Variants in BMPR1A observed in about 807,000 individuals in gnomAD.
BMPR1A encodes the protein bone morphogenetic protein receptor type-1A.
BMPR1A carries 7 observed loss-of-function variants against 66.0 expected under a neutral mutation model. The ratio of observed to expected loss-of-function variants is 0.11; its 90% CI spans 0.06 to 0.20. The LOEUF (loss-of-function observed/expected upper bound fraction) is 0.20, where lower values mean the gene tolerates loss of function less well. Ranked by LOEUF, BMPR1A falls within the 10% of genes least tolerant of loss-of-function variation. BMPR1A has a pLI of 1.00. For synonymous variants in BMPR1A, 200 were observed against 229.7 expected (o/e 0.87, Z 1.17); for missense variants, 408 against 669.1 (o/e 0.61, Z 4.31).
intron 1 of BMPR1A, among the ~76,000 whole-genome samples, chr10:86,766,037 G>A (rs753552328): frequency 2.8e-5 from 4 of 140,682 alleles, no homozygotes; most frequent in Non-Finnish European, 4.5e-5. Context: ...CCAGGCTGCA[G>A]TGGTGCTGTG....
intron 3 of BMPR1A, among the ~76,000 whole-genome samples, chr10:86,884,352 C>CTAGGA (rs1220619385): frequency 7.0e-6 from 1 of 142,382 alleles, no homozygotes. Flanking sequence ...TCCGTAAGTG[C>CTAGGA]TAGGATTACA....
At chr10:86,868,297 T>C (rs1589753709) in intron 2 of BMPR1A, among the ~76,000 whole-genome samples, 1 of 152,238 alleles carries the variant, frequency 6.6e-6, no homozygotes, top group Non-Finnish European at 1.5e-5. Context: ...TCAGGGTTTA[T>C]GTTTAGATTT....
rs911288182 is a variant in BMPR1A at position 86,821,039 on chromosome 10, A to G, written c.-267-17826A>G. ...GTCATTTCCATCGCTCTCTTTTTAA[A>G]TGCATTAAACAGAAAAGGATCACAT... On this transcript the variant is annotated intron_variant, in intron 1 of 12. Transcript: ENST00000372037. Among the ~76,000 whole-genome samples, 20 of 152,312 alleles carry G rather than the reference A, an allele frequency of 1.3e-4. No individual in the cohort carries two copies. In the East Asian group the frequency reaches 1.7e-3, roughly 13 times the overall value.
chr10:86,769,163 A>G (rs1359924252), intron 1 of BMPR1A, among the ~76,000 whole-genome samples: 2 of 152,234 alleles, frequency 1.3e-5, no homozygotes, highest in South Asian at 2.1e-4. Context: ...GCAAATTGAT[A>G]TAGGAAATTT....
At position 86,855,371 on chromosome 10, in the gene BMPR1A, A is replaced by G. The variant is rs1305936748; in HGVS notation, c.-153+16392A>G. The G allele has an allele frequency of 3.5e-6, 3 of 864,392 alleles. No homozygotes were observed. The African/African-American group carries it at 5.1e-5, about 15-fold the overall frequency. The allele number at this position is 864,392 out of a possible 1,614,324, so 53.5% of individuals were successfully genotyped here. A position where few individuals can be genotyped will look rare whatever the true frequency, so the allele number is the denominator to read the frequency against. On this transcript the variant is annotated intron_variant, in intron 2 of 12. Transcript: ENST00000372037. The stretch of plus-strand genomic sequence containing the variant: ...TCAGGACACACCTGCACTGAACTAG[A>G]CACTGACTTAGAAACTTGGTTTGAT...
intron 3 of BMPR1A, among the ~76,000 whole-genome samples, chr10:86,882,315 C>T (rs1032173602): frequency 1.3e-5 from 2 of 151,732 alleles, no homozygotes; most frequent in African/African-American, 2.4e-5. Context: ...CACAGCTACT[C>T]GGGAGGCTGA....
intron 1 of BMPR1A, among the ~76,000 whole-genome samples, chr10:86,788,603 G>T (rs1644921978): frequency 6.6e-6 from 1 of 152,198 alleles, no homozygotes; most frequent in Middle Eastern, 3.4e-3. Context: ...TGTTCAAGCG[G>T]TTCTTCCCTT....
chr10:86,760,248 CTTTTTTTTTTT>C lies in BMPR1A; in HGVS notation c.-268+3342_-268+3352del, dbSNP rs60211336. On this transcript the variant is annotated intron_variant, in intron 1 of 12. Coordinates refer to ENST00000372037, the MANE Select transcript of BMPR1A (RefSeq NM_004329.3). ...TTTTTCTTTCTTTCTTTCTTTCTTT[CTTTTTTTTTTT>C]TTTTTTTTTTTTGATACAGAGTCTC... 2.3e-3 allele frequency among the ~76,000 whole-genome samples: 39 copies of C among 17,022 alleles called. 1 individual carries two copies. The highest frequency in any genetic ancestry group is 0.019 in the South Asian group (5 of 268). The allele number at this position is 17,022 out of a possible 152,430, so 11.2% of individuals were successfully genotyped here. A position where few individuals can be genotyped will look rare whatever the true frequency, so the allele number is the denominator to read the frequency against.
intron 1 of BMPR1A, among the ~76,000 whole-genome samples, chr10:86,776,389 G>T (rs1406462180): frequency 6.6e-6 from 1 of 152,104 alleles, no homozygotes; most frequent in African/African-American, 2.4e-5. Flanking sequence ...CATAAGTAAA[G>T]AAAAATTCAA....
chr10:86,931,453 A>G (rs1253479092), downstream of BMPR1A: 1 of 85,962 alleles, frequency 1.2e-5, no homozygotes. Flanking sequence ...GTTGAAAAAC[A>G]TAAAAAATTG....
intron 7 of BMPR1A, among the ~76,000 whole-genome samples, chr10:86,901,866 AT>A (rs1843314937): frequency 6.7e-6 from 1 of 149,746 alleles, no homozygotes; most frequent in Non-Finnish European, 1.5e-5. Flanking sequence ...ATATTATTTT[AT>A]TTATTTATTT....
At chr10:86,834,233 G>C (rs1013838378) in intron 1 of BMPR1A, among the ~76,000 whole-genome samples, 2 of 152,154 alleles carry the variant, frequency 1.3e-5, no homozygotes, top group African/African-American at 4.8e-5. Context: ...TCTAGCCCAA[G>C]TATTTTTTTC....
chr10:86,905,894 A>G (rs1005833826), intron 7 of BMPR1A, among the ~76,000 whole-genome samples: 19 of 152,168 alleles, frequency 1.2e-4, no homozygotes, highest in Non-Finnish European at 1.0e-4. Flanking sequence ...GCTGCCAATC[A>G]GCTTTTAAAG....
At chr10:86,817,620 G>T (rs1842053536) in intron 1 of BMPR1A, among the ~76,000 whole-genome samples, 1 of 152,174 alleles carries the variant, frequency 6.6e-6, no homozygotes. Context: ...GAAATGGACA[G>T]ATTCCTAGAA....
At chr10:86,776,212 T>C (rs915652949) in intron 1 of BMPR1A, among the ~76,000 whole-genome samples, 14 of 152,246 alleles carry the variant, frequency 9.2e-5, no homozygotes, top group Non-Finnish European at 1.6e-4. Flanking sequence ...TATTAACTTA[T>C]TAAATAATCC....
intron 2 of BMPR1A, among the ~76,000 whole-genome samples, chr10:86,850,108 G>A (rs1277285596): frequency 6.6e-6 from 1 of 152,052 alleles, no homozygotes; most frequent in East Asian, 1.9e-4. Context: ...ATCACTTGAG[G>A]TCAGGAGTTT....
intron 1 of BMPR1A, among the ~76,000 whole-genome samples, chr10:86,774,343 G>A (rs1037737966): frequency 2.6e-5 from 4 of 152,004 alleles, no homozygotes; most frequent in Non-Finnish European, 5.9e-5. Flanking sequence ...ATTTGCCATT[G>A]CTTTCCTTTT....
At position 86,813,667 on chromosome 10, in the gene BMPR1A, A is replaced by G. The variant is rs182463903; in HGVS notation, c.-267-25198A>G. ...CTCCATTTCCCCCCATTCCCTGTGC[A>G]GTTGTCTTCCATATATCACCAGGGC... On this transcript the variant is annotated intron_variant, in intron 1 of 12. Transcript: ENST00000372037. 2.0e-5 allele frequency among the ~76,000 whole-genome samples: 3 copies of G among 152,300 alleles called. No homozygotes were observed. In the East Asian group the frequency reaches 5.8e-4, roughly 29 times the overall value.
intron 1 of BMPR1A, among the ~76,000 whole-genome samples, chr10:86,785,581 C>T (rs1333016430): frequency 1.3e-5 from 2 of 152,156 alleles, no homozygotes; most frequent in African/African-American, 2.4e-5. Context: ...GGATTATAGG[C>T]GTGAGCCACT....
Sources: gnomAD v4.1 joint callset for allele counts (sites outside exome capture counted in the v4.1 genomes callset) on GRCh38, gnomAD v4.1.1 for gene constraint, MANE v1.5 for transcripts, NCBI Gene and HGNC (gene_info 2026-07-23, HGNC 2026-07-21) for gene names.